The following ATXN3 variants were observed in gnomAD, a reference collection of about 807,000 sequenced individuals.
The protein encoded by ATXN3 is ataxin-3.
In ATXN3, 28 loss-of-function variants were observed where a neutral mutation model predicts 58.2. That is an observed-to-expected ratio of 0.48 (90% CI 0.36 to 0.66). The LOEUF (loss-of-function observed/expected upper bound fraction) is 0.66, where lower values mean the gene tolerates loss of function less well. Among genes scored for constraint, ATXN3 ranks in the 30% least tolerant of loss-of-function variants. The pLI, the probability that ATXN3 is intolerant of heterozygous loss-of-function variation, is 0.00. For missense variants in ATXN3, 321 were observed against 422.1 expected, an observed-to-expected ratio of 0.76 and a Z score of 2.10; for synonymous variants, 113 against 138.5, an observed-to-expected ratio of 0.82 and a Z score of 1.29.
At position 92,064,193 on chromosome 14, in the gene ATXN3, T is replaced by A; in HGVS notation, c.*127A>T. ...ACGCATTGTTCCACTTTCCCATCAT[T>A]TTGTTTGCAAACCGCTAAAAGTCTT... is the stretch of plus-strand genomic sequence containing the variant. On this transcript the variant is annotated 3_prime_UTR_variant, in exon 11 of 11. Transcript: ENST00000644486. 1.7e-6 allele frequency: 1 copy of A among 585,354 alleles called. No homozygotes were observed. The highest frequency in any genetic ancestry group is 2.9e-6 in the Non-Finnish European group (1 of 342,204). 36.3% of individuals were successfully genotyped at this position (585,354 alleles called of 1,614,324 possible).
chr14:92,072,238 GAAC>G (rs541628028), intron 9 of ATXN3, among the ~76,000 whole-genome samples: 44 of 152,254 alleles, frequency 2.9e-4, no homozygotes, highest in Middle Eastern at 6.8e-3. Flanking sequence ...AATATACACT[GAAC>G]AACTGAGACA....
intron 10 of ATXN3, 184 bp downstream of exon 10, chr14:92,070,751 T>TTTTTTTTTC: frequency 2.2e-6 from 3 of 1,364,814 alleles, no homozygotes; most frequent in Non-Finnish European, 2.9e-6. Flanking sequence ...TAGCTTTTTT[T>TTTTTTTTTC]TTTTTTTTTC....
intron 10 of ATXN3, among the ~76,000 whole-genome samples, chr14:92,069,166 C>T (rs1200834493): frequency 1.3e-5 from 2 of 149,390 alleles, no homozygotes; most frequent in Non-Finnish European, 3.0e-5. Context: ...GCAATCTCCG[C>T]CTCCCGGGTT....
At chr14:92,070,182 G>A (rs547040313) in intron 10 of ATXN3, among the ~76,000 whole-genome samples, 14 of 152,112 alleles carry the variant, frequency 9.2e-5, no homozygotes, top group African/African-American at 2.9e-4. Context: ...TATTTAAACC[G>A]AGACCTGGAA....
intron 6 of ATXN3, among the ~76,000 whole-genome samples, chr14:92,086,823 A>AGC (rs1555403363): frequency 4.9e-4 from 68 of 139,354 alleles, no homozygotes; most frequent in East Asian, 3.3e-3. Context: ...TTACAAAAAA[A>AGC]GGGGGGGGGA....
intron 5 of ATXN3, among the ~76,000 whole-genome samples, chr14:92,089,329 ACTCTTTT>A (rs2063263572): frequency 1.2e-5 from 1 of 83,594 alleles, no homozygotes; most frequent in African/African-American, 5.7e-5. Context: ...TCTGCTAAAT[ACTCTTTT>A]TTTTTTTTTT....
chr14:92,051,754 A>ATC (rs1182751817), upstream of ATXN3, among the ~76,000 whole-genome samples: 1 of 51,414 alleles, frequency 1.9e-5, no homozygotes, highest in African/African-American at 8.0e-5. Context: ...TTGAGATGGG[A>ATC]TCTCTCTCTG....
chr14:92,056,004 G>A (rs2057463701), downstream of ATXN3, among the ~76,000 whole-genome samples: 2 of 152,188 alleles, frequency 1.3e-5, no homozygotes, highest in South Asian at 4.1e-4. Flanking sequence ...GGCAAAAGGG[G>A]TTTCAGTGTT....
chr14:92,080,292 T>C (rs1595726335), intron 9 of ATXN3, among the ~76,000 whole-genome samples: 1 of 152,142 alleles, frequency 6.6e-6, no homozygotes, highest in African/African-American at 2.4e-5. Flanking sequence ...TGCGCTCCCA[T>C]ACCTCCAAAG....
Position 92,096,122 on chromosome 14 carries a change from T to G in ATXN3, c.205A>C (p.Met69Leu), listed in dbSNP as rs2065171407. 1 of 1,610,468 alleles carries G rather than the reference T, an allele frequency of 6.2e-7. No homozygotes were observed. Among genetic ancestry groups the G allele is most frequent in the Admixed American group, 1.7e-5 (1 of 59,572 alleles). The change falls in exon 3 of 11, where the codon ATG (methionine) becomes CTG (leucine). Residue 69 changes from methionine to leucine, a missense_variant. Around this residue, in one of 2 missense-constraint regions of ATXN3, gnomAD observed 121 missense variants for 198.9 expected, o/e 0.61. Coordinates refer to ENST00000644486, the MANE Select transcript of ATXN3 (RefSeq NM_004993.6). ...ATAGAGAAAAAACCACTGTCATCCA[T>G]ATTTCCAGAAGGCTGCTGTTAATTT... The part of the protein sequence containing the change: ...RTFLQQPSGN[M>L]DDSGFFSIQV...
chr14:92,098,271 C>A (rs1452429430), intron 1 of ATXN3, among the ~76,000 whole-genome samples: 2 of 152,064 alleles, frequency 1.3e-5, no homozygotes, highest in Admixed American at 6.6e-5. Flanking sequence ...GTGCCCAGCT[C>A]CCTAGAACAT....
chr14:92,084,207 T>C (rs914866154), intron 6 of ATXN3, among the ~76,000 whole-genome samples: 2 of 152,194 alleles, frequency 1.3e-5, no homozygotes, highest in Non-Finnish European at 2.9e-5. Context: ...TCTACCTTAT[T>C]AGTTCTGTCC....
Position 92,064,414 on chromosome 14 carries a change from C to T in ATXN3, c.992G>A (p.Gly331Asp). 3 of 1,602,498 alleles carry T rather than the reference C, an allele frequency of 1.9e-6. No individual in the cohort carries two copies. Among genetic ancestry groups the T allele is most frequent in the East Asian group, 2.2e-5 (1 of 44,676 alleles). Reference sequence around the variant, plus strand: ...CATGTCTTCTTCACTCATAGCATCACCTGTTGGGAAACAAAACCACATTTC... The same window carrying T: ...CATGTCTTCTTCACTCATAGCATCATCTGTTGGGAAACAAAACCACATTTC... ...TSSGALGSDL[G>D]DAMSEEDMLQ... The change falls in exon 11 of 11, where the codon GGT becomes GAT. Residue 331 changes from glycine to aspartate, a missense_variant and splice_region_variant. By Grantham distance (94) the Gly-to-Asp change is moderately conservative (BLOSUM62 -1). Around this residue, in one of 2 missense-constraint regions of ATXN3, gnomAD observed 200 missense variants for 223.2 expected, o/e 0.90. Transcript: ENST00000644486.
chr14:92,068,959 C>T (rs1158455873), intron 10 of ATXN3, among the ~76,000 whole-genome samples: 3 of 152,132 alleles, frequency 2.0e-5, no homozygotes, highest in Admixed American at 1.3e-4. Flanking sequence ...AAAAAAGTAC[C>T]AGTTCATTCC....
intron 4 of ATXN3, 156 bp downstream of exon 4, chr14:92,093,590 T>G (rs574458167): frequency 2.9e-6 from 2 of 685,318 alleles, no homozygotes. Context: ...CAGATGCTCA[T>G]GGACATCACA....
chr14:92,080,832 G>A (rs761552), intron 9 of ATXN3, 133 bp downstream of exon 9: 217,114 of 798,196 alleles, frequency 0.27, 31,523 homozygotes, highest in East Asian at 0.47. Flanking sequence ...CACCGTGCCC[G>A]TCCTATTTGC....
Position 92,083,160 on chromosome 14 carries a change from T to C in ATXN3, c.574A>G (p.Ile192Val). The change falls in exon 7 of 11, where the codon ATT (isoleucine) becomes GTT (valine). Residue 192 changes from isoleucine (I) to valine (V), a missense_variant. By Grantham distance (29) the Ile-to-Val change is conservative (BLOSUM62 3). Transcript: ENST00000644486. ...RVQQMHRPKL[I>V]GEELAQLKEQ... is the part of the protein sequence containing the mutation. ...TTTAGTTGTGCTAATTCTTCTCCAATAAGTTTTGGTCGATGCATCTGTTGG... is the reference window on the plus strand; with the variant it reads ...TTTAGTTGTGCTAATTCTTCTCCAACAAGTTTTGGTCGATGCATCTGTTGG... 1 of 1,613,052 alleles carries C rather than the reference T, an allele frequency of 6.2e-7. No individual in the cohort carries two copies.
chr14:92,076,123 T>C (rs1406272762), intron 9 of ATXN3, among the ~76,000 whole-genome samples: 1 of 152,208 alleles, frequency 6.6e-6, no homozygotes, highest in Non-Finnish European at 1.5e-5. Flanking sequence ...TTAGTCATTA[T>C]TGGACATTAC....
In ATXN3 at chr14:92,070,924, G is replaced by A. The variant is rs771749551; in HGVS notation, c.991+11C>T. 3 of 1,613,086 alleles carry A rather than the reference G, an allele frequency of 1.9e-6. No individual in the cohort carries two copies. In the Admixed American group the frequency reaches 5.0e-5, roughly 27 times the overall value. On this transcript the variant is annotated intron_variant, in intron 10 of 10. Transcript: ENST00000644486. ...AGGTAGCGAACATGATGAATGGTGA[G>A]CAGGCCTTACCTAGATCACTCCCAA... is the stretch of plus-strand genomic sequence containing the variant.
Sources: gnomAD v4.1 joint callset for allele counts (sites outside exome capture counted in the v4.1 genomes callset) on GRCh38, gnomAD v4.1.1 for gene constraint, gnomAD v4.1.1 regional missense constraint, MANE v1.5 for transcripts, NCBI Gene and HGNC (gene_info 2026-07-23, HGNC 2026-07-21) for gene names.